Variants in ENTPD5 observed in about 807,000 individuals in gnomAD.
ENTPD5 encodes the protein nucleoside diphosphate phosphatase ENTPD5.
Under a neutral mutation model 60.2 loss-of-function variants are expected in ENTPD5, and 49 were observed. The ratio of observed to expected loss-of-function variants is 0.81; its 90% CI spans 0.65 to 1.03. ENTPD5 has a LOEUF of 1.03. Ranked by LOEUF, ENTPD5 falls within the 50% of genes least tolerant of loss-of-function variation. The pLI is 0.00. For synonymous variants in ENTPD5, 187 were observed against 185.4 expected (o/e 1.01, Z -0.07); for missense variants, 480 against 507.6 (o/e 0.95, Z 0.52).
At chr14:73,958,592 A>T (rs1294110508), downstream of ENTPD5, 1 of 1,288,520 alleles carries the variant, frequency 7.8e-7, no homozygotes, top group Admixed American at 3.3e-5. Context: ...CTTGCCTCTC[A>T]TTTTTCTCCT....
At chr14:74,015,420 G>A (rs189782046) in intron 2 of ENTPD5, among the ~76,000 whole-genome samples, 3 of 131,856 alleles carry the variant, frequency 2.3e-5, no homozygotes, top group East Asian at 2.2e-4. Context: ...ACAGTGGCAC[G>A]GCTCACTGCA....
At chr14:74,011,730 C>T (rs868220851) in intron 2 of ENTPD5, among the ~76,000 whole-genome samples, 2 of 151,990 alleles carry the variant, frequency 1.3e-5, no homozygotes, top group Non-Finnish European at 2.9e-5. Context: ...TATGGGAAGT[C>T]GAGGTTGCAG....
At chr14:73,957,604 A>AT (rs1209454267), downstream of ENTPD5, among the ~76,000 whole-genome samples, 1 of 151,922 alleles carries the variant, frequency 6.6e-6, no homozygotes, top group Non-Finnish European at 1.5e-5. Flanking sequence ...CGCCTGGTTA[A>AT]TTTTTTGTAA....
chr14:74,004,560 G>A (rs561132100), intron 3 of ENTPD5, among the ~76,000 whole-genome samples: 1 of 152,208 alleles, frequency 6.6e-6, no homozygotes, highest in East Asian at 1.9e-4. Flanking sequence ...ATGTAGGCTG[G>A]GGCTGCAGTC....
downstream of ENTPD5, among the ~76,000 whole-genome samples, chr14:73,957,004 T>C (rs1254668960): frequency 1.3e-5 from 2 of 152,152 alleles, no homozygotes; most frequent in African/African-American, 4.8e-5. Context: ...AAAGCTGTAA[T>C]TGCAGTTGTC....
chr14:73,958,346 T>C, downstream of ENTPD5: 1 of 1,609,748 alleles, frequency 6.2e-7, no homozygotes, highest in Non-Finnish European at 8.5e-7. Context: ...CTAGGGACTC[T>C]GGTTTTCGAT....
intron 3 of ENTPD5, among the ~76,000 whole-genome samples, chr14:74,010,711 T>C (rs1413786258): frequency 6.6e-6 from 1 of 152,228 alleles, no homozygotes; most frequent in Non-Finnish European, 1.5e-5. Context: ...TCTACAGGAC[T>C]GTTTGCCCTT....
downstream of ENTPD5, chr14:73,961,202 C>T (rs750777984): frequency 9.3e-6 from 15 of 1,613,808 alleles, no homozygotes; most frequent in Admixed American, 8.3e-5. Context: ...CGGACTTCAT[C>T]GACACAGCTG....
downstream of ENTPD5, chr14:73,959,581 G>GTTT (rs759810630): frequency 1.3e-5 from 18 of 1,404,514 alleles, no homozygotes; most frequent in Middle Eastern, 1.9e-4. Context: ...GAAAGGTGTT[G>GTTT]TTTTTTTTTT....
chr14:73,956,283 A>C (rs752363258), downstream of ENTPD5: 471 of 260,092 alleles, frequency 1.8e-3, 4 homozygotes, highest in African/African-American at 9.8e-3. Context: ...AGCCGAGATC[A>C]CGCCACTGCA....
At chr14:73,972,298 C>T (rs534120014) in intron 13 of ENTPD5, among the ~76,000 whole-genome samples, 2 of 152,066 alleles carry the variant, frequency 1.3e-5, no homozygotes, top group South Asian at 4.2e-4. Context: ...CGGTTGAACC[C>T]GGGAGGCAGA....
At chr14:73,968,340 G>A (rs937326512) in intron 15 of ENTPD5, among the ~76,000 whole-genome samples, 1 of 151,934 alleles carries the variant, frequency 6.6e-6, no homozygotes, top group Non-Finnish European at 1.5e-5. Context: ...AAAAAGGGAG[G>A]CCAAATGATA....
At chr14:73,962,877 T>C (rs747727638), downstream of ENTPD5, 156 of 1,084,298 alleles carry the variant, frequency 1.4e-4, no homozygotes, top group Non-Finnish European at 1.9e-4. Flanking sequence ...ACAAGGACAC[T>C]TGGGAAGAAT....
chr14:73,996,335 T>C (rs1321935283), intron 3 of ENTPD5: 4 of 274,950 alleles, frequency 1.5e-5, no homozygotes, highest in African/African-American at 9.2e-5. Flanking sequence ...CATCTACTTT[T>C]ATCATAGTTA....
intron 3 of ENTPD5, among the ~76,000 whole-genome samples, chr14:74,001,964 T>G (rs1044074436): frequency 6.6e-6 from 1 of 152,134 alleles, no homozygotes; most frequent in African/African-American, 2.4e-5. Context: ...TAGCATTTAA[T>G]GCAGAGGATA....
intron 2 of ENTPD5, among the ~76,000 whole-genome samples, chr14:74,013,336 C>T (rs1379037972): frequency 2.0e-5 from 3 of 152,166 alleles, no homozygotes; most frequent in East Asian, 3.8e-4. Flanking sequence ...TCCCTGACTA[C>T]GACAGTCTTA....
chr14:73,966,846 CA>C lies in ENTPD5; in HGVS notation c.*81del. ...TCTAGGCTCAAGTCCAGGATGTCCC[CA>C]GACTAGTTCAGAAACTAAGTGCTCT... is the stretch of plus-strand genomic sequence containing the variant. On this transcript the variant is annotated 3_prime_UTR_variant, in exon 16 of 16. Coordinates refer to ENST00000334696, the MANE Select transcript of ENTPD5 (RefSeq NM_001249.5). 9.6e-7 allele frequency: 1 copy of C among 1,038,394 alleles called. No individual in the cohort carries two copies. The highest frequency in any genetic ancestry group is 1.5e-6 in the Non-Finnish European group (1 of 666,212). 64.3% of individuals were successfully genotyped at this position (1,038,394 alleles called of 1,614,324 possible).
intron 3 of ENTPD5, among the ~76,000 whole-genome samples, chr14:73,989,924 T>C (rs904487388): frequency 2.6e-5 from 4 of 151,700 alleles, no homozygotes; most frequent in East Asian, 1.9e-4. Flanking sequence ...GGAGAACCAC[T>C]TGAACCTGGG....
At chr14:73,970,218 G>C in intron 14 of ENTPD5, 93 bp from the exon 15 acceptor site, 1 of 862,954 alleles carries the variant, frequency 1.2e-6, no homozygotes, top group Non-Finnish European at 1.9e-6. Flanking sequence ...GGGGCCAGGC[G>C]CGGTGGCTCA....
Sources: allele counts gnomAD v4.1 joint callset (sites outside exome capture counted in the v4.1 genomes callset), GRCh38; gene constraint gnomAD v4.1.1; transcripts MANE v1.5; gene names NCBI Gene and HGNC (gene_info 2026-07-23, HGNC 2026-07-21).